The following NIPBL variants were observed in gnomAD, a reference collection of about 807,000 sequenced individuals.
NIPBL encodes the protein NIPBL cohesin loading factor.
In NIPBL, 19 loss-of-function variants were observed where a neutral mutation model predicts 321.8. The observed-to-expected ratio is 0.06, with a 90% CI of 0.04 to 0.09. The LOEUF (loss-of-function observed/expected upper bound fraction) is 0.09. Ranked by LOEUF, NIPBL falls within the 10% of genes least tolerant of loss-of-function variation. NIPBL has a pLI of 1.00. For synonymous variants in NIPBL, 1,106 were observed against 1,114.1 expected (o/e 0.99, Z 0.14); for missense variants, 2,210 against 3,327.0 (o/e 0.66, Z 8.26).
At chr5:37,057,442 TC>T in intron 43 of NIPBL, 110 bp downstream of exon 43, 1 of 1,106,034 alleles carries the variant, frequency 9.0e-7, no homozygotes, top group Non-Finnish European at 1.3e-6. Context: ...GTATATAAAA[TC>T]TTTCTAAGTG....
intron 10 of NIPBL, among the ~76,000 whole-genome samples, chr5:36,992,592 G>A (rs1221408703): frequency 6.6e-6 from 1 of 151,932 alleles, no homozygotes; most frequent in Non-Finnish European, 1.5e-5. Context: ...ATAGCTCACT[G>A]CAACCTGGAA....
chr5:36,974,817 C>G (rs927315398), intron 8 of NIPBL, among the ~76,000 whole-genome samples: 3 of 152,018 alleles, frequency 2.0e-5, no homozygotes, highest in Non-Finnish European at 2.9e-5. Flanking sequence ...TAAGTTCTGT[C>G]TGTAAAAAAA....
chr5:36,920,133 G>T (rs1482716096), intron 1 of NIPBL, among the ~76,000 whole-genome samples: 2 of 151,952 alleles, frequency 1.3e-5, no homozygotes, highest in Non-Finnish European at 2.9e-5. Flanking sequence ...TTATACTTCT[G>T]ATTTCATGGG....
chr5:36,882,121 A>C (rs1403587268), intron 1 of NIPBL, among the ~76,000 whole-genome samples: 1 of 151,980 alleles, frequency 6.6e-6, no homozygotes, highest in African/African-American at 2.4e-5. Context: ...TTGCCAGTAC[A>C]TACAACCTTA....
chr5:36,912,384 C>T lies in NIPBL; in HGVS notation c.-80+35206C>T, dbSNP rs180948289. Among the ~76,000 whole-genome samples the T allele has an allele frequency of 2.5e-3, 387 of 152,130 alleles. 1 individual carries two copies. The highest frequency in any genetic ancestry group is 8.9e-3 in the African/African-American group (370 of 41,496). On this transcript the variant is annotated intron_variant, in intron 1 of 46. Transcript: ENST00000282516. Reference sequence around the variant, plus strand: ...TGTAAGAGAGCCAGTTGAAGATGTCCAGCAGTCAGTTGGTTATATAAGACT... The same window carrying T: ...TGTAAGAGAGCCAGTTGAAGATGTCTAGCAGTCAGTTGGTTATATAAGACT...
In NIPBL at chr5:37,020,537, G is replaced by C. The variant is rs1749505729; in HGVS notation, c.5089G>C (p.Asp1697His). 6.2e-7 allele frequency: 1 copy of C among 1,613,922 alleles called. No individual in the cohort carries two copies. The highest frequency in any genetic ancestry group is 8.5e-7 in the Non-Finnish European group (1 of 1,179,890). The change falls in exon 26 of 47, where the codon GAT becomes CAT. Residue 1697 changes from aspartate (D) to histidine (H), a missense_variant. Physicochemically the swap from Asp to His is moderately conservative, Grantham distance 81. Coordinates refer to ENST00000282516, the MANE Select transcript of NIPBL (RefSeq NM_133433.4). Reference protein sequence around the residue: ...ETEKAMKSQKDEESSEGTHHA... With the variant: ...ETEKAMKSQKHEESSEGTHHA... ...AGAAAAAGCAATGAAATCACAAAAAGATGAAGAATCATCTGAAGGAACACA... is the reference window on the plus strand; with the variant it reads ...AGAAAAAGCAATGAAATCACAAAAACATGAAGAATCATCTGAAGGAACACA...
Position 37,051,873 on chromosome 5 carries a change from C to G in NIPBL, c.7049C>G (p.Ala2350Gly), listed in dbSNP as rs956346318. 4 of 1,609,446 alleles carry G rather than the reference C, an allele frequency of 2.5e-6. No individual in the cohort carries two copies. The highest frequency in any genetic ancestry group is 2.2e-5 in the East Asian group (1 of 44,822). The change falls in exon 41 of 47, where the codon GCT becomes GGT. Residue 2350 changes from alanine to glycine, a missense_variant. Ala to Gly is a moderately conservative substitution (Grantham distance 60, BLOSUM62 0). This residue lies in a region of NIPBL where 112 missense variants were observed against 288.3 expected (regional missense o/e 0.39). Transcript: ENST00000282516. Reference protein sequence around the residue: ...QQLVEIDKKYAGFIHMKAVAG... With the variant: ...QQLVEIDKKYGGFIHMKAVAG... ...CTTGTGGAAATAGACAAAAAATATG[C>G]TGGATTCATTCATGTATGTATTTTA...
rs200829209 is a variant in NIPBL, at chr5:36,961,590, T to C, written c.458+7T>C. On this transcript the variant is annotated splice_region_variant and intron_variant, in intron 5 of 46. Transcript: ENST00000282516. ...TCTCACATAGCCCCTCCAGGTAATA[T>C]ATGTATATATCGTTTATTAAATATT... is the stretch of plus-strand genomic sequence containing the variant. The C allele has an allele frequency of 8.4e-5, 123 of 1,456,398 alleles. No individual in the cohort carries two copies. The highest frequency in any genetic ancestry group is 5.2e-4 in the Middle Eastern group (3 of 5,754). 90.2% of individuals were successfully genotyped at this position (1,456,398 alleles called of 1,614,324 possible). A position where few individuals can be genotyped will look rare whatever the true frequency, so the allele number is the denominator to read the frequency against.
chr5:37,042,786 A>G (rs1368356246), intron 34 of NIPBL, among the ~76,000 whole-genome samples: 1 of 151,452 alleles, frequency 6.6e-6, no homozygotes, highest in African/African-American at 2.4e-5. Flanking sequence ...AGATCGCGCC[A>G]CTGCATTCCA....
chr5:36,909,432 C>T (rs921215211), intron 1 of NIPBL, among the ~76,000 whole-genome samples: 2 of 152,042 alleles, frequency 1.3e-5, no homozygotes, highest in Non-Finnish European at 2.9e-5. Context: ...AGAGGACTTG[C>T]TACAGTGTTT....
In NIPBL at chr5:37,060,972, A is replaced by C; in HGVS notation, c.7814A>C (p.Lys2605Thr). 3 of 1,614,160 alleles carry C rather than the reference A, an allele frequency of 1.9e-6. No homozygotes were observed. Among genetic ancestry groups the C allele is most frequent in the Non-Finnish European group, 2.5e-6 (3 of 1,180,010 alleles). ...CTGCGGAGTGACATGGCTAATTCCA[A>C]AATCACAGAAGAGGTGAAAAGGAGT... ...DFLRSDMANS[K>T]ITEEVKRSIV... The change falls in exon 45 of 47, where the codon AAA becomes ACA. Residue 2605 changes from lysine to threonine, a missense_variant. Lys to Thr is a moderately conservative substitution (Grantham distance 78). Around this residue, in one of 14 missense-constraint regions of NIPBL, gnomAD observed 159 missense variants for 319.2 expected, o/e 0.50. Transcript: ENST00000282516.
intron 42 of NIPBL, among the ~76,000 whole-genome samples, chr5:37,056,747 A>G (rs1311962699): frequency 1.3e-5 from 2 of 152,328 alleles, no homozygotes; most frequent in African/African-American, 2.4e-5. Flanking sequence ...GCACAATGAT[A>G]TAACTAGAAC....
At chr5:36,952,053 T>TGTGTGTGCGCGCGCGC (rs778597604) in intron 1 of NIPBL, among the ~76,000 whole-genome samples, 7 of 112,114 alleles carry the variant, frequency 6.2e-5, no homozygotes, top group Non-Finnish European at 1.3e-4. Context: ...TGTGTGTGTG[T>TGTGTGTGCGCGCGCGC]GCGCGCGCGC....
intron 1 of NIPBL, among the ~76,000 whole-genome samples, chr5:36,948,808 G>A (rs1739964937): frequency 1.3e-5 from 2 of 151,784 alleles, no homozygotes; most frequent in African/African-American, 4.8e-5. Flanking sequence ...ATAGAAATGT[G>A]AATCACATAC....
chr5:36,989,839 CA>C (rs374278669), intron 10 of NIPBL, among the ~76,000 whole-genome samples: 11,406 of 73,528 alleles, frequency 0.16, 266 homozygotes, highest in South Asian at 0.21. Flanking sequence ...ACTCTGTCTC[CA>C]AAAAAAAAAA....
chr5:37,053,397 T>C (rs1753772697), intron 42 of NIPBL, among the ~76,000 whole-genome samples: 2 of 152,248 alleles, frequency 1.3e-5, no homozygotes, highest in African/African-American at 4.8e-5. Context: ...ACATGTTATG[T>C]GGCACATGAC....
chr5:37,018,753 A>AT (rs1189921468), intron 24 of NIPBL, among the ~76,000 whole-genome samples: 13 of 152,174 alleles, frequency 8.5e-5, no homozygotes, highest in African/African-American at 3.1e-4. Flanking sequence ...ACCTCTGAAG[A>AT]TTTAACACAT....
At chr5:37,047,111 G>T (rs1050753995) in intron 38 of NIPBL, among the ~76,000 whole-genome samples, 15 of 152,076 alleles carry the variant, frequency 9.9e-5, no homozygotes, top group Non-Finnish European at 2.2e-4. Flanking sequence ...TAAAGTATAC[G>T]AGAGGATATG....
intron 1 of NIPBL, among the ~76,000 whole-genome samples, chr5:36,911,431 C>T (rs1322691125): frequency 6.6e-6 from 1 of 152,204 alleles, no homozygotes. Context: ...CTGAAAACTG[C>T]CACTTCCTGT....
Sources: allele counts gnomAD v4.1 joint callset (sites outside exome capture counted in the v4.1 genomes callset), GRCh38; gene constraint gnomAD v4.1.1; regional missense constraint gnomAD v4.1.1; transcripts MANE v1.5; gene names NCBI Gene and HGNC (gene_info 2026-07-23, HGNC 2026-07-21).